TMEM45A: variants seen among roughly 807,000 people sequenced by gnomAD.
The protein encoded by TMEM45A is transmembrane protein 45A.
TMEM45A carries 25 observed loss-of-function variants against 32.0 expected under a neutral mutation model. The observed-to-expected ratio is 0.78, with a 90% CI of 0.57 to 1.09. The LOEUF (loss-of-function observed/expected upper bound fraction) is 1.09. Ranked by LOEUF, TMEM45A falls within the 50% of genes least tolerant of loss-of-function variation. TMEM45A has a pLI of 0.00. For synonymous variants in TMEM45A, 122 were observed against 114.8 expected (o/e 1.06, Z -0.40); for missense variants, 302 against 325.0 (o/e 0.93, Z 0.54).
chr3:100,504,559 A>G (rs1708054689), intron 1 of TMEM45A, among the ~76,000 whole-genome samples: 1 of 152,106 alleles, frequency 6.6e-6, no homozygotes, highest in Non-Finnish European at 1.5e-5. Context: ...TAAAATCCAG[A>G]TATTTACCAA....
Position 100,532,407 on chromosome 3 carries a change from A to C in TMEM45A, c.-3-22802A>C, listed in dbSNP as rs1034917469. Among the ~76,000 whole-genome samples the C allele has an allele frequency of 3.3e-5, 5 of 152,244 alleles. No homozygotes were observed. In the South Asian group the frequency reaches 6.2e-4, roughly 19 times the overall value. On this transcript the variant is annotated intron_variant, in intron 1 of 5. Transcript: ENST00000323523. ...AAAAACCAGAACAAAAGTCATCTACAGCAGGCTTTTCCGGCTTTAATGTAC... is the reference window on the plus strand; with the variant it reads ...AAAAACCAGAACAAAAGTCATCTACCGCAGGCTTTTCCGGCTTTAATGTAC...
intron 4 of TMEM45A, among the ~76,000 whole-genome samples, chr3:100,561,101 G>A (rs371984058): frequency 3.8e-4 from 58 of 152,096 alleles, no homozygotes; most frequent in African/African-American, 8.2e-4. Context: ...TAATACCAGC[G>A]CAAACACACA....
intron 1 of TMEM45A, chr3:100,519,314 G>A (rs185824483): frequency 1.7e-5 from 9 of 527,410 alleles, no homozygotes; most frequent in Admixed American, 1.6e-4. Flanking sequence ...AGGTAAAAGT[G>A]TGGTAAGTTT....
chr3:100,537,691 A>G (rs934948414), intron 1 of TMEM45A, among the ~76,000 whole-genome samples: 3 of 152,268 alleles, frequency 2.0e-5, no homozygotes, highest in African/African-American at 7.2e-5. Flanking sequence ...GAACAGGGCC[A>G]CAGGGCATTC....
At chr3:100,555,140 CA>C (rs1418068498) in intron 1 of TMEM45A, 68 bp from the exon 2 acceptor site, 35 of 1,356,176 alleles carry the variant, frequency 2.6e-5, no homozygotes, top group Non-Finnish European at 3.4e-5. Flanking sequence ...TTTATGGAAA[CA>C]AGTGATGTTT....
chr3:100,501,748 G>A (rs948017111), intron 1 of TMEM45A, among the ~76,000 whole-genome samples: 13 of 152,072 alleles, frequency 8.5e-5, no homozygotes, highest in Non-Finnish European at 1.5e-5. Flanking sequence ...CAGTTATTTC[G>A]TGGTAGTAAC....
chr3:100,539,507 ACG>A lies in TMEM45A; in HGVS notation c.-3-15701_-3-15700del, dbSNP rs1491515938. Among the ~76,000 whole-genome samples, 1,245 of 149,034 alleles carry A rather than the reference ACG, an allele frequency of 8.4e-3. 68 individuals carry two copies. The highest frequency in any genetic ancestry group is 0.027 in the African/African-American group (1,068 of 39,170). On this transcript the variant is annotated intron_variant, in intron 1 of 5. Transcript: ENST00000323523. The stretch of plus-strand genomic sequence containing the variant: ...TATGTATATGTATACGTATACGTAT[ACG>A]TATACGTATATGTGGGGAACCATTA...
chr3:100,548,401 T>C (rs1706021908), intron 1 of TMEM45A, among the ~76,000 whole-genome samples: 1 of 152,198 alleles, frequency 6.6e-6, no homozygotes, highest in South Asian at 2.1e-4. Context: ...CATCCTCTTA[T>C]TTGGAAGGCT....
intron 1 of TMEM45A, among the ~76,000 whole-genome samples, chr3:100,540,414 A>T (rs979395670): frequency 1.4e-4 from 22 of 152,250 alleles, no homozygotes; most frequent in African/African-American, 5.1e-4. Flanking sequence ...AGGCATACAG[A>T]TAGCAAATGA....
chr3:100,496,303 G>T (rs570596889), intron 1 of TMEM45A, among the ~76,000 whole-genome samples: 2 of 152,306 alleles, frequency 1.3e-5, no homozygotes, highest in Non-Finnish European at 2.9e-5. Context: ...CATGGAGAAC[G>T]TTCTGATGAT....
intron 1 of TMEM45A, among the ~76,000 whole-genome samples, chr3:100,546,087 A>G (rs868258028): frequency 2.6e-4 from 39 of 152,180 alleles, no homozygotes; most frequent in African/African-American, 8.4e-4. Context: ...CTGGTTTTGA[A>G]AATGGAAGGA....
At chr3:100,563,751 G>C (rs570048619) in intron 4 of TMEM45A, among the ~76,000 whole-genome samples, 1 of 152,152 alleles carries the variant, frequency 6.6e-6, no homozygotes, top group Admixed American at 6.5e-5. Flanking sequence ...TCTTCCGGGG[G>C]CTTCAGGGAC....
At position 100,556,987 on chromosome 3, in the gene TMEM45A, G is replaced by C; in HGVS notation, c.403+15G>C. ...ATTTGTGGAGGGTAAGTGTTAGTGA[G>C]TATTTTCATGTACCTTTCTCTATTA... is the stretch of plus-strand genomic sequence containing the variant. On this transcript the variant is annotated intron_variant, in intron 3 of 5. Transcript: ENST00000323523. 2.5e-6 allele frequency: 4 copies of C among 1,611,230 alleles called. No individual in the cohort carries two copies. The highest frequency in any genetic ancestry group is 1.3e-5 in the African/African-American group (1 of 74,968).
chr3:100,495,487 G>A (rs1707911506), intron 1 of TMEM45A, among the ~76,000 whole-genome samples: 2 of 152,190 alleles, frequency 1.3e-5, no homozygotes, highest in African/African-American at 4.8e-5. Context: ...GGAAAGTTTG[G>A]AAAGGTGGGA....
chr3:100,543,429 C>A lies in TMEM45A; in HGVS notation c.-3-11780C>A, dbSNP rs1488168315. Among the ~76,000 whole-genome samples the A allele has an allele frequency of 2.6e-5, 4 of 152,154 alleles. No homozygotes were observed. In the East Asian group the frequency reaches 7.7e-4, roughly 29 times the overall value. ...CAACTGTCCTAGCTACTGCCAAATT[C>A]TTGGCAAAGTGTAATAGTAATGCCA... On this transcript the variant is annotated intron_variant, in intron 1 of 5. Coordinates refer to ENST00000323523, the MANE Select transcript of TMEM45A (RefSeq NM_018004.3).
intron 1 of TMEM45A, among the ~76,000 whole-genome samples, chr3:100,540,103 A>T (rs1175597415): frequency 6.6e-6 from 1 of 152,204 alleles, no homozygotes; most frequent in Non-Finnish European, 1.5e-5. Context: ...AAAAAATATA[A>T]AAGTTAGATT....
At chr3:100,544,671 C>G (rs1705950635) in intron 1 of TMEM45A, among the ~76,000 whole-genome samples, 1 of 152,032 alleles carries the variant, frequency 6.6e-6, no homozygotes, top group African/African-American at 2.4e-5. Context: ...GAGATTAATT[C>G]AGGTTTTTGC....
intron 1 of TMEM45A, among the ~76,000 whole-genome samples, chr3:100,498,599 CCT>C (rs201392527): frequency 0.023 from 3,488 of 152,030 alleles, 61 homozygotes; most frequent in Non-Finnish European, 0.038. Context: ...GTGTGTGTCC[CCT>C]GTTGGTTTTG....
intron 1 of TMEM45A, among the ~76,000 whole-genome samples, chr3:100,544,243 T>G (rs945435569): frequency 1.3e-5 from 2 of 152,184 alleles, no homozygotes; most frequent in Non-Finnish European, 2.9e-5. Context: ...ATCCCCTAGA[T>G]GTGAGTCTTA....
Sources: allele counts gnomAD v4.1 joint callset (sites outside exome capture counted in the v4.1 genomes callset), GRCh38; gene constraint gnomAD v4.1.1; transcripts MANE v1.5; gene names NCBI Gene and HGNC (gene_info 2026-07-23, HGNC 2026-07-21).